Variants in DLGAP2 observed in about 807,000 individuals in gnomAD.
DLGAP2 encodes DLG associated protein 2.
A neutral mutation model predicts 100.3 loss-of-function variants in DLGAP2; 26 were observed. The observed-to-expected ratio is 0.26, with a 90% confidence interval of 0.19 to 0.36. DLGAP2 has a LOEUF of 0.36. Ranked by LOEUF, DLGAP2 falls within the 10% of genes least tolerant of loss-of-function variation. The pLI, the probability that DLGAP2 is intolerant of heterozygous loss-of-function variation, is 1.00. For synonymous variants in DLGAP2, 886 were observed against 630.1 expected (o/e 1.41, Z -6.08); for missense variants, 1,858 against 1,453.2 (o/e 1.28, Z -4.53).
chr8:805,843 G>A (rs777466448), intron 1 of DLGAP2, among the ~76,000 whole-genome samples: 1 of 152,140 alleles, frequency 6.6e-6, no homozygotes, highest in Non-Finnish European at 1.5e-5. Flanking sequence ...ATTTTTAAAC[G>A]GTAGTTTCTA....
intron 3 of DLGAP2, among the ~76,000 whole-genome samples, chr8:1,448,233 A>C (rs1798036155): frequency 6.6e-6 from 1 of 151,354 alleles, no homozygotes; most frequent in Non-Finnish European, 1.5e-5. Flanking sequence ...TAGTGCGGTA[A>C]ATTTCCCTCT....
intron 3 of DLGAP2, among the ~76,000 whole-genome samples, chr8:1,497,742 G>A (rs1799591290): frequency 6.6e-6 from 1 of 152,254 alleles, no homozygotes; most frequent in Non-Finnish European, 1.5e-5. Flanking sequence ...GAACGTGGTA[G>A]AAGTACGGTA....
At chr8:1,632,668 C>T (rs1248655168) in intron 7 of DLGAP2, among the ~76,000 whole-genome samples, 159 bp from the exon 8 acceptor site, 1 of 152,200 alleles carries the variant, frequency 6.6e-6, no homozygotes. Flanking sequence ...TGCTGTATTT[C>T]CCAAGCTCAG....
chr8:1,694,982 C>G (rs568114952), intron 13 of DLGAP2, among the ~76,000 whole-genome samples: 18 of 152,334 alleles, frequency 1.2e-4, no homozygotes, highest in Admixed American at 1.0e-3. Context: ...CTGTGCCCGT[C>G]CGGCCCCAGC....
At chr8:1,208,288 C>T (rs900766320) in intron 2 of DLGAP2, among the ~76,000 whole-genome samples, 13 of 152,078 alleles carry the variant, frequency 8.5e-5, no homozygotes, top group Admixed American at 2.0e-4. Context: ...TGTGGCTTGC[C>T]GATTATCCCA....
At chr8:1,091,188 T>G (rs1287348255) in intron 2 of DLGAP2, among the ~76,000 whole-genome samples, 1 of 152,184 alleles carries the variant, frequency 6.6e-6, no homozygotes, top group Non-Finnish European at 1.5e-5. Context: ...TTCCTGGTCA[T>G]GTAAACGTCA....
intron 2 of DLGAP2, among the ~76,000 whole-genome samples, chr8:1,056,574 A>C (rs1223170280): frequency 6.6e-6 from 1 of 152,212 alleles, no homozygotes; most frequent in African/African-American, 2.4e-5. Flanking sequence ...TGACTTCCAA[A>C]ATGTGTGTAA....
chr8:1,419,015 G>T (rs1797016848), intron 3 of DLGAP2, among the ~76,000 whole-genome samples: 1 of 152,266 alleles, frequency 6.6e-6, no homozygotes, highest in African/African-American at 2.4e-5. Flanking sequence ...GGGCACATGG[G>T]GCGAGGCAGA....
At chr8:1,435,044 G>C (rs1329980657) in intron 3 of DLGAP2, among the ~76,000 whole-genome samples, 4 of 152,154 alleles carry the variant, frequency 2.6e-5, no homozygotes, top group Admixed American at 6.5e-5. Flanking sequence ...ACATTTCAAT[G>C]GTCACTTTGG....
At chr8:821,978 G>A in intron 1 of DLGAP2, 1 of 395,630 alleles carries the variant, frequency 2.5e-6, no homozygotes, top group Non-Finnish European at 4.5e-6. Context: ...CTTTTCAGCT[G>A]ATTAATTATT....
At chr8:1,226,930 A>C (rs900658383) in intron 2 of DLGAP2, among the ~76,000 whole-genome samples, 1 of 151,822 alleles carries the variant, frequency 6.6e-6, no homozygotes, top group Non-Finnish European at 1.5e-5. Flanking sequence ...TTTGTGCAAC[A>C]ATTATGGAAA....
chr8:1,483,134 C>T (rs926807717), intron 3 of DLGAP2, among the ~76,000 whole-genome samples: 1 of 152,154 alleles, frequency 6.6e-6, no homozygotes, highest in Non-Finnish European at 1.5e-5. Flanking sequence ...GGAAGGGCAG[C>T]GGTGCACCGA....
At chr8:1,099,197 T>C (rs573913738) in intron 2 of DLGAP2, among the ~76,000 whole-genome samples, 4 of 152,312 alleles carry the variant, frequency 2.6e-5, no homozygotes, top group African/African-American at 9.6e-5. Context: ...GGCTGTGCTC[T>C]CAGATCCTCT....
At chr8:1,170,098 G>C (rs1797096850) in intron 2 of DLGAP2, among the ~76,000 whole-genome samples, 1 of 152,162 alleles carries the variant, frequency 6.6e-6, no homozygotes, top group Non-Finnish European at 1.5e-5. Context: ...ATGAAGTGTT[G>C]TTGAATTTTG....
intron 3 of DLGAP2, among the ~76,000 whole-genome samples, chr8:1,297,465 C>T (rs527478324): frequency 2.0e-5 from 3 of 151,954 alleles, no homozygotes; most frequent in East Asian, 1.9e-4. Flanking sequence ...AGGTGGCATG[C>T]GTGAACAGAC....
At chr8:1,324,849 C>A (rs1030704488) in intron 3 of DLGAP2, among the ~76,000 whole-genome samples, 3 of 152,146 alleles carry the variant, frequency 2.0e-5, no homozygotes, top group Non-Finnish European at 4.4e-5. Context: ...AAATACGGAG[C>A]TGATTTGTTT....
intron 3 of DLGAP2, among the ~76,000 whole-genome samples, chr8:1,366,589 C>T (rs1802113936): frequency 1.3e-5 from 2 of 152,182 alleles, no homozygotes; most frequent in South Asian, 4.2e-4. Flanking sequence ...GGCACCCCGG[C>T]AGAGCAGTGT....
Position 1,695,061 on chromosome 8 carries a change from G to A in DLGAP2, c.2797-2086G>A, listed in dbSNP as rs1003537455. Among the ~76,000 whole-genome samples the A allele has an allele frequency of 3.9e-5, 6 of 152,296 alleles. No homozygotes were observed. In the East Asian group the frequency reaches 7.7e-4, roughly 20 times the overall value. On this transcript the variant is annotated intron_variant, in intron 13 of 14. Coordinates refer to ENST00000637795, the MANE Select transcript of DLGAP2 (RefSeq NM_001346810.2). The stretch of plus-strand genomic sequence containing the variant: ...GGAGAGGAGGGGGGCACGGGAAGGC[G>A]ATGCCTGCTCTCAGGCAGCCTCTGC...
intron 3 of DLGAP2, among the ~76,000 whole-genome samples, chr8:1,278,767 C>T (rs184364131): frequency 1.3e-5 from 2 of 152,284 alleles, no homozygotes; most frequent in African/African-American, 4.8e-5. Flanking sequence ...ATCCCTTTGA[C>T]AATGAAAGGC....
Sources: gnomAD v4.1 joint callset for allele counts (sites outside exome capture counted in the v4.1 genomes callset) on GRCh38, gnomAD v4.1.1 for gene constraint, MANE v1.5 for transcripts, NCBI Gene and HGNC (gene_info 2026-07-23, HGNC 2026-07-21) for gene names.